PRSS48: variants seen among roughly 807,000 people sequenced by gnomAD.
PRSS48 encodes epidermis-specific serine protease-like protein.
In PRSS48, 21 loss-of-function variants were observed where a neutral mutation model predicts 25.6. That is an observed-to-expected ratio of 0.82 (90% CI 0.58 to 1.18). The LOEUF is 1.18. PRSS48 is among the 50% of genes most tolerant of loss of function. The pLI is 0.00. For synonymous variants in PRSS48, 150 were observed against 149.3 expected (o/e 1.00, Z -0.04); for missense variants, 373 against 399.3 (o/e 0.93, Z 0.56).
At chr4:151,286,184 G>GAAAAAAAAAAAAAAAAAAAAA (rs56850648) in intron 4 of PRSS48, among the ~76,000 whole-genome samples, 1 of 86,622 alleles carries the variant, frequency 1.2e-5, no homozygotes, top group African/African-American at 4.7e-5. Flanking sequence ...CTGTCTTAAA[G>GAAAAAAAAAAAAAAAAAAAAA]AAAAAAAAAA....
intron 2 of PRSS48, 27 bp from the exon 3 acceptor site, chr4:151,282,121 A>C (rs1226663302): frequency 6.2e-7 from 1 of 1,610,888 alleles, no homozygotes; most frequent in South Asian, 1.1e-5. Context: ...GCAGGCCATA[A>C]GCAGGCCTCC....
Position 151,283,297 on chromosome 4 carries a change from G to C in PRSS48, c.651+11G>C. The C allele has an allele frequency of 6.2e-7, 1 of 1,608,366 alleles. No homozygotes were observed. Among genetic ancestry groups the C allele is most frequent in the Non-Finnish European group, 8.5e-7 (1 of 1,176,746 alleles). On this transcript the variant is annotated intron_variant, in intron 4 of 4. Coordinates refer to ENST00000455694, the Ensembl canonical transcript of PRSS48. ...AAGGATAGTTGCAAGGTCAGGGTTTGCTCTAGAGAATTTTTTTTTAAACAT... is the reference window on the plus strand; with the variant it reads ...AAGGATAGTTGCAAGGTCAGGGTTTCCTCTAGAGAATTTTTTTTTAAACAT...
intron 1 of PRSS48, among the ~76,000 whole-genome samples, chr4:151,279,558 T>C (rs1773985479): frequency 1.3e-5 from 2 of 152,176 alleles, no homozygotes; most frequent in Non-Finnish European, 2.9e-5. Context: ...TGATACCCTA[T>C]TTCTTCCTTA....
rs1405309773 is a variant in PRSS48, at chr4:151,282,128, C to T, written c.216-20C>T. 6.2e-7 allele frequency: 1 copy of T among 1,611,594 alleles called. No homozygotes were observed. Among genetic ancestry groups the T allele is most frequent in the East Asian group, 2.2e-5 (1 of 44,858 alleles). ...ACCCAGCTGCAGGCCATAAGCAGGC[C>T]TCCTTTCTTTTCCCCATAGGACCTG... On this transcript the variant is annotated intron_variant, in intron 2 of 4. Transcript: ENST00000455694.
chr4:151,286,648 G>T (rs1199485456), intron 4 of PRSS48, among the ~76,000 whole-genome samples: 1 of 148,320 alleles, frequency 6.7e-6, no homozygotes, highest in East Asian at 2.0e-4. Flanking sequence ...GGTCCAGATA[G>T]AATTCATTGA....
chr4:151,289,120 A>T (rs1045607169), intron 4 of PRSS48, among the ~76,000 whole-genome samples: 1 of 152,230 alleles, frequency 6.6e-6, no homozygotes, highest in African/African-American at 2.4e-5. Flanking sequence ...TTGGTATTGA[A>T]TCAGTTCAAT....
chr4:151,282,506 A>G, intron 3 of PRSS48, 93 bp downstream of exon 3: 1 of 1,344,112 alleles, frequency 7.4e-7, no homozygotes, highest in Non-Finnish European at 1.0e-6. Flanking sequence ...CATGGAAAAT[A>G]TTTTTCAACA....
intron 2 of PRSS48, among the ~76,000 whole-genome samples, chr4:151,281,348 T>G (rs374581431): frequency 3.3e-5 from 5 of 152,260 alleles, no homozygotes; most frequent in African/African-American, 7.2e-5. Flanking sequence ...AATCACCCAA[T>G]AGGACCCAGT....
intron 4 of PRSS48, among the ~76,000 whole-genome samples, chr4:151,289,954 C>A (rs999603786): frequency 2.6e-5 from 4 of 152,124 alleles, no homozygotes; most frequent in Admixed American, 2.0e-4. Context: ...GTGTTCACAG[C>A]AGCATGATTA....
At chr4:151,288,164 CTAAAATACTTCGTGG>C (rs1382661276) in intron 4 of PRSS48, among the ~76,000 whole-genome samples, 3 of 152,012 alleles carry the variant, frequency 2.0e-5, no homozygotes, top group East Asian at 1.9e-4. Flanking sequence ...AAACCCACAG[CTAAAATACTTCGTGG>C]TAAAATACTA....
chr4:151,282,045 T>G lies in PRSS48; in HGVS notation c.216-103T>G. Reference sequence around the variant, plus strand: ...TGGAAGCACCATGGTTAATTCCCAGTTGGCTACCCTCCTTTCTTGAGTAGA... The same window carrying G: ...TGGAAGCACCATGGTTAATTCCCAGGTGGCTACCCTCCTTTCTTGAGTAGA... On this transcript the variant is annotated intron_variant, in intron 2 of 4. Coordinates refer to ENST00000455694, the Ensembl canonical transcript of PRSS48. The G allele has an allele frequency of 3.4e-6, 4 of 1,190,238 alleles. No homozygotes were observed. In the East Asian group the frequency reaches 7.0e-5, roughly 21 times the overall value. The allele number at this position is 1,190,238 out of a possible 1,614,324, so 73.7% of individuals were successfully genotyped here.
intron 1 of PRSS48, 136 bp from the exon 2 acceptor site, chr4:151,279,660 A>G (rs370707357): frequency 6.7e-6 from 5 of 743,988 alleles, no homozygotes; most frequent in African/African-American, 5.3e-5. Context: ...GTGTGGAACC[A>G]GAATAGGATG....
chr4:151,277,846 G>A (rs889197460), intron 1 of PRSS48, among the ~76,000 whole-genome samples: 5 of 152,136 alleles, frequency 3.3e-5, no homozygotes, highest in Non-Finnish European at 5.9e-5. Flanking sequence ...TTCAAGACCA[G>A]CCTGGGCAAC....
intron 2 of PRSS48, among the ~76,000 whole-genome samples, chr4:151,280,450 A>G (rs1000111475): frequency 6.6e-6 from 1 of 152,216 alleles, no homozygotes; most frequent in Non-Finnish European, 1.5e-5. Flanking sequence ...TTGCAGCCAC[A>G]TGAGAAACCT....
At chr4:151,291,447 C>T (rs1339078405) in exon 5 of PRSS48, 5 of 1,598,790 alleles carry the variant, frequency 3.1e-6, no homozygotes, top group Non-Finnish European at 4.3e-6. Flanking sequence ...GTCCCAGGGG[C>T]AGATAACTCA....
At chr4:151,288,392 C>A (rs1306982300) in intron 4 of PRSS48, among the ~76,000 whole-genome samples, 2 of 152,054 alleles carry the variant, frequency 1.3e-5, no homozygotes, top group Non-Finnish European at 2.9e-5. Context: ...ATGCCACCCC[C>A]AAAAAATTAG....
At chr4:151,291,581 T>C, downstream of PRSS48, 1 of 628,630 alleles carries the variant, frequency 1.6e-6, no homozygotes, top group Non-Finnish European at 2.8e-6. Context: ...AAACTGTCAC[T>C]TCTGTACATT....
chr4:151,285,511 G>A (rs1774658062), intron 4 of PRSS48, among the ~76,000 whole-genome samples: 4 of 152,274 alleles, frequency 2.6e-5, no homozygotes, highest in Middle Eastern at 6.8e-3. Flanking sequence ...AATATTTTGA[G>A]ATGAATAAAA....
At chr4:151,279,363 T>C (rs967678831) in intron 1 of PRSS48, among the ~76,000 whole-genome samples, 2 of 152,148 alleles carry the variant, frequency 1.3e-5, no homozygotes, top group African/African-American at 4.8e-5. Context: ...AAAAAAAATT[T>C]TAAGTTAAAT....
Sources: allele counts gnomAD v4.1 joint callset (sites outside exome capture counted in the v4.1 genomes callset), GRCh38; gene constraint gnomAD v4.1.1; transcripts MANE v1.5; gene names NCBI Gene and HGNC (gene_info 2026-07-23, HGNC 2026-07-21).